Variants in PKHD1 observed in about 807,000 individuals in gnomAD.
PKHD1 encodes the protein fibrocystin.
PKHD1 carries 291 observed loss-of-function variants against 412.0 expected under a neutral mutation model. The ratio of observed to expected loss-of-function variants is 0.71; its 90% CI spans 0.64 to 0.78. The LOEUF (loss-of-function observed/expected upper bound fraction) is 0.78. PKHD1 is among the 30% of genes least tolerant of loss of function. The probability of loss-of-function intolerance (pLI) is 0.00; values close to 1 mark genes in which losing one functional copy is unlikely to be tolerated. For synonymous variants in PKHD1, 1,777 were observed against 1,821.5 expected (o/e 0.98, Z 0.62); for missense variants, 4,825 against 4,950.7 (o/e 0.97, Z 0.76).
intron 36 of PKHD1, among the ~76,000 whole-genome samples, chr6:51,959,447 G>C (rs1001659508): frequency 6.6e-6 from 1 of 152,052 alleles, no homozygotes; most frequent in African/African-American, 2.4e-5. Context: ...CTTTCCATGG[G>C]ACCAAGAAGT....
intron 37 of PKHD1, among the ~76,000 whole-genome samples, chr6:51,925,438 C>CATGT (rs1554140173): frequency 1.4e-5 from 2 of 147,488 alleles, no homozygotes; most frequent in Middle Eastern, 3.4e-3. Flanking sequence ...AATTGTTCTT[C>CATGT]GTGTGTGTGT....
chr6:51,637,954 G>T (rs1768800127), intron 64 of PKHD1, among the ~76,000 whole-genome samples: 1 of 151,998 alleles, frequency 6.6e-6, no homozygotes, highest in Non-Finnish European at 1.5e-5. Flanking sequence ...AAATGATTAT[G>T]ATTACAGATC....
rs1362349151 is a variant in PKHD1, at chr6:52,073,483, A to C, written c.507T>G (p.Phe169Leu). 1 of 1,606,092 alleles carries C rather than the reference A, an allele frequency of 6.2e-7. No homozygotes were observed. Among genetic ancestry groups the C allele is most frequent in the African/African-American group, 1.3e-5 (1 of 74,884 alleles). Residue 169 changes from phenylalanine (F) to leucine (L), a missense_variant, in exon 7 of 67, where the codon TTT (phenylalanine) becomes TTG (leucine). Coordinates refer to ENST00000371117, the MANE Select transcript of PKHD1 (RefSeq NM_138694.4). ...IITGRLETFD[F>L]DAEYIDSPVI... ...CTTACCTATCAATGTACTCAGCATC[A>C]AAATCAAAAGTTTCCAATCTTCCAG...
Position 52,065,184 on chromosome 6 carries a change from G to GAGAGAGAGAC in PKHD1, c.881-135_881-134insGTCTCTCTCT, listed in dbSNP as rs1554220744. 0.023 allele frequency: 2,717 copies of GAGAGAGAGAC among 117,236 alleles called. 35 individuals are homozygous for GAGAGAGAGAC. The highest frequency in any genetic ancestry group is 0.038 in the East Asian group (128 of 3,392). The allele number at this position is 117,236 out of a possible 1,614,324, so 7.3% of individuals were successfully genotyped here. A position where few individuals can be genotyped will look rare whatever the true frequency, so the allele number is the denominator to read the frequency against. On this transcript the variant is annotated intron_variant, in intron 12 of 66. Coordinates refer to ENST00000371117, the MANE Select transcript of PKHD1 (RefSeq NM_138694.4). ...ATATATATATAGAGAGAGAGAGAGA[G>GAGAGAGAGAC]AGAGAGAGAGAGACAGAGAGAGAGA... is the stretch of plus-strand genomic sequence containing the variant.
Position 51,619,315 on chromosome 6 carries a change from C to T in PKHD1, c.11991G>A (p.Gly3997=), listed in dbSNP as rs2150240397. 1.2e-6 allele frequency: 2 copies of T among 1,614,244 alleles called. No homozygotes were observed. The highest frequency in any genetic ancestry group is 8.5e-7 in the Non-Finnish European group (1 of 1,180,040). ...ACTGCTCTTGGCCCTCCTTCCAGTT[C>T]CCAGTCTCTTGCAGGTACACCTGCT... ...PAQQVYLQET[G]NWKEGQEQLL... Residue 3997 remains glycine, a synonymous_variant, in exon 67 of 67, where the codon GGG becomes GGA. Transcript: ENST00000371117.
intron 60 of PKHD1, among the ~76,000 whole-genome samples, chr6:51,673,308 G>A (rs1775295832): frequency 6.6e-6 from 1 of 152,146 alleles, no homozygotes; most frequent in Admixed American, 6.5e-5. Context: ...CCAACCACAT[G>A]GGATGCCCCA....
At chr6:51,776,770 T>C (rs925070007) in intron 53 of PKHD1, among the ~76,000 whole-genome samples, 1 of 152,090 alleles carries the variant, frequency 6.6e-6, no homozygotes, top group African/African-American at 2.4e-5. Context: ...TAAATTCTTT[T>C]AGCAGCATAA....
intron 60 of PKHD1, among the ~76,000 whole-genome samples, chr6:51,685,587 C>T (rs562693330): frequency 1.1e-4 from 17 of 152,210 alleles, no homozygotes; most frequent in South Asian, 2.1e-4. Flanking sequence ...TGGTCCCTTT[C>T]GTTATCTCAC....
rs1229564017 is a variant in PKHD1 at position 51,753,288 on chromosome 6, G to A, written c.8863C>T (p.Arg2955Ter). 4.3e-6 allele frequency: 7 copies of A among 1,613,438 alleles called. No homozygotes were observed. Among genetic ancestry groups the A allele is most frequent in the African/African-American group, 1.3e-5 (1 of 74,848 alleles). The change falls in exon 57 of 67, where the codon CGA (arginine) becomes TGA (stop). Residue 2955 changes from arginine (R) to a stop codon, truncating the protein, a stop_gained. Transcript: ENST00000371117. LOFTEE classifies it high-confidence loss of function. ...RLAAEVGLLT[R>*]NIQIQPDVSC... ...ACGTCAGGCTGAATTTGTATATTTC[G>A]GGTCAACAGTCCAACCTCAGCAGCC...
At chr6:51,838,403 T>C (rs1258456779) in intron 50 of PKHD1, among the ~76,000 whole-genome samples, 2 of 152,180 alleles carry the variant, frequency 1.3e-5, no homozygotes, top group Non-Finnish European at 2.9e-5. Context: ...GAGTGGTGAA[T>C]GATTTTCTTA....
chr6:51,668,470 A>G (rs190708309), intron 60 of PKHD1, among the ~76,000 whole-genome samples: 1 of 152,322 alleles, frequency 6.6e-6, no homozygotes, highest in East Asian at 1.9e-4. Flanking sequence ...TTTTCTAGAT[A>G]TACAATCATG....
chr6:51,833,466 G>C (rs1011306463), intron 51 of PKHD1, among the ~76,000 whole-genome samples: 1 of 152,088 alleles, frequency 6.6e-6, no homozygotes. Context: ...ACTAATATCA[G>C]GGTTCTATAT....
intron 47 of PKHD1, among the ~76,000 whole-genome samples, chr6:51,869,829 A>G (rs542170875): frequency 8.2e-4 from 125 of 152,300 alleles, no homozygotes; most frequent in Non-Finnish European, 1.5e-3. Flanking sequence ...CATTTAATTA[A>G]AAAAACAAAC....
At chr6:52,076,893 T>C (rs564812690) in intron 5 of PKHD1, among the ~76,000 whole-genome samples, 10 of 152,328 alleles carry the variant, frequency 6.6e-5, no homozygotes, top group African/African-American at 2.2e-4. Context: ...TGAAGATACC[T>C]GCTGTGAGGG....
intron 46 of PKHD1, among the ~76,000 whole-genome samples, chr6:51,872,522 C>G (rs12528695): frequency 0.028 from 4,287 of 152,166 alleles, 117 homozygotes; most frequent in East Asian, 0.13. Flanking sequence ...GATTCTCCTA[C>G]TTCAGCCTCC....
At position 51,754,945 on chromosome 6, in the gene PKHD1, C is replaced by T. The variant is rs775263962; in HGVS notation, c.8643-7G>A. The T allele has an allele frequency of 1.2e-6, 2 of 1,611,812 alleles. No individual in the cohort carries two copies. Among genetic ancestry groups the T allele is most frequent in the South Asian group, 1.1e-5 (1 of 91,038 alleles). ...TGCATCTTCTACTATAATTCTGTAA[C>T]AGCATAACAATGGCATTGGATATAC... On this transcript the variant is annotated splice_region_variant and splice_polypyrimidine_tract_variant and intron_variant, in intron 55 of 66. Coordinates refer to ENST00000371117, the MANE Select transcript of PKHD1 (RefSeq NM_138694.4).
At chr6:51,994,529 G>A (rs1797482067) in intron 35 of PKHD1, among the ~76,000 whole-genome samples, 1 of 152,194 alleles carries the variant, frequency 6.6e-6, no homozygotes, top group Admixed American at 6.5e-5. Context: ...TACAGATGGG[G>A]AAACTAAGAG....
At chr6:51,983,845 G>A (rs192479526) in intron 35 of PKHD1, among the ~76,000 whole-genome samples, 2 of 152,178 alleles carry the variant, frequency 1.3e-5, no homozygotes, top group Non-Finnish European at 2.9e-5. Flanking sequence ...AGGGCCTAAC[G>A]GTGTGTTTAT....
intron 52 of PKHD1, among the ~76,000 whole-genome samples, chr6:51,798,463 T>C (rs1250744101): frequency 6.6e-6 from 1 of 152,192 alleles, no homozygotes; most frequent in Non-Finnish European, 1.5e-5. Context: ...CCAATCTCTT[T>C]TGGCTTACAG....
Sources: allele counts gnomAD v4.1 joint callset (sites outside exome capture counted in the v4.1 genomes callset), GRCh38; gene constraint gnomAD v4.1.1; transcripts MANE v1.5; gene names NCBI Gene and HGNC (gene_info 2026-07-23, HGNC 2026-07-21).